CNTNAP2: variants seen among roughly 807,000 people sequenced by gnomAD.
CNTNAP2 encodes contactin-associated protein-like 2.
Under a neutral mutation model 155.2 loss-of-function variants are expected in CNTNAP2, and 98 were observed. The ratio of observed to expected loss-of-function variants is 0.63; its 90% CI spans 0.54 to 0.75. The LOEUF (loss-of-function observed/expected upper bound fraction) is 0.75, where lower values mean the gene tolerates loss of function less well. Among genes scored for constraint, CNTNAP2 ranks in the 30% least tolerant of loss-of-function variants. The probability of loss-of-function intolerance (pLI) is 0.00; values close to 1 mark genes in which losing one functional copy is unlikely to be tolerated. For missense variants in CNTNAP2, 1,727 were observed against 1,688.1 expected, an observed-to-expected ratio of 1.02 and a Z score of -0.40; for synonymous variants, 651 against 631.2, an observed-to-expected ratio of 1.03 and a Z score of -0.47.
chr7:148,153,272 C>T (rs1805339461), intron 17 of CNTNAP2, among the ~76,000 whole-genome samples: 1 of 149,698 alleles, frequency 6.7e-6, no homozygotes, highest in East Asian at 2.0e-4. Flanking sequence ...ACACAGTTCA[C>T]CTCACTGCAC....
At chr7:147,387,429 C>T (rs1415828886) in intron 9 of CNTNAP2, among the ~76,000 whole-genome samples, 1 of 152,154 alleles carries the variant, frequency 6.6e-6, no homozygotes, top group African/African-American at 2.4e-5. Context: ...ACACACCATG[C>T]TTTATTCTTC....
intron 15 of CNTNAP2, among the ~76,000 whole-genome samples, chr7:147,992,164 G>A (rs1235495731): frequency 3.2e-5 from 4 of 126,870 alleles, no homozygotes; most frequent in South Asian, 2.4e-4. Context: ...GCGTGATCTC[G>A]GCTCACTGCA....
intron 1 of CNTNAP2, among the ~76,000 whole-genome samples, chr7:146,252,330 A>G (rs564623526): frequency 6.6e-6 from 1 of 152,296 alleles, no homozygotes; most frequent in African/African-American, 2.4e-5. Flanking sequence ...TGGGAATAGT[A>G]ATCCACTGTA....
chr7:146,451,835 C>CAT lies in CNTNAP2; in HGVS notation c.98-322426_98-322425dup, dbSNP rs1317227874. On this transcript the variant is annotated intron_variant, in intron 1 of 23. Transcript: ENST00000361727. Reference sequence around the variant, plus strand: ...ATATATATATATACGTATATATATACATATATATATACACGTATTCTATAT... The same window carrying CAT: ...ATATATATATATACGTATATATATACATATATATATATACACGTATTCTATAT... Among the ~76,000 whole-genome samples the CAT allele has an allele frequency of 5.6e-4, 34 of 60,984 alleles. 1 individual carries two copies. Among genetic ancestry groups the CAT allele is most frequent in the South Asian group, 8.7e-4 (3 of 3,456 alleles). 40.0% of individuals were successfully genotyped at this position (60,984 alleles called of 152,430 possible).
chr7:146,479,416 AGT>A (rs1270057253), intron 1 of CNTNAP2, among the ~76,000 whole-genome samples: 1 of 152,224 alleles, frequency 6.6e-6, no homozygotes, highest in African/African-American at 2.4e-5. Context: ...ATTTCATTAA[AGT>A]GTTTAATTCA....
At chr7:147,008,030 A>C (rs897500241) in intron 3 of CNTNAP2, among the ~76,000 whole-genome samples, 1 of 152,144 alleles carries the variant, frequency 6.6e-6, no homozygotes, top group African/African-American at 2.4e-5. Context: ...ACATTATTGC[A>C]TATCAACACA....
chr7:147,624,020 C>T (rs1794919287), intron 12 of CNTNAP2, among the ~76,000 whole-genome samples: 1 of 152,060 alleles, frequency 6.6e-6, no homozygotes, highest in African/African-American at 2.4e-5. Context: ...GGAAAACAGT[C>T]TCTTCAATAA....
At chr7:147,823,929 C>T (rs1384936179) in intron 13 of CNTNAP2, among the ~76,000 whole-genome samples, 1 of 152,090 alleles carries the variant, frequency 6.6e-6, no homozygotes, top group Non-Finnish European at 1.5e-5. Flanking sequence ...GCAAATAACT[C>T]AATATAAGAA....
At chr7:148,276,372 A>G (rs6943494) in intron 21 of CNTNAP2, among the ~76,000 whole-genome samples, 86,863 of 152,126 alleles carry the variant, frequency 0.57, 26,141 homozygotes, top group South Asian at 0.77. Context: ...TCCCACCAGG[A>G]CACTCTGGAA....
chr7:148,019,874 C>T (rs1273429433), intron 15 of CNTNAP2, among the ~76,000 whole-genome samples: 2 of 152,134 alleles, frequency 1.3e-5, no homozygotes, highest in Non-Finnish European at 2.9e-5. Context: ...GCAACCTCCA[C>T]CTCCTGGATG....
At chr7:146,762,618 A>G (rs1802122488) in intron 1 of CNTNAP2, among the ~76,000 whole-genome samples, 2 of 152,024 alleles carry the variant, frequency 1.3e-5, no homozygotes, top group African/African-American at 4.8e-5. Context: ...AAAAACAAAC[A>G]AAAAAAGAAT....
intron 18 of CNTNAP2, among the ~76,000 whole-genome samples, chr7:148,211,564 C>G (rs868562645): frequency 3.3e-5 from 5 of 152,152 alleles, no homozygotes; most frequent in African/African-American, 9.6e-5. Flanking sequence ...GTATTGACAT[C>G]ATGGGAAATA....
chr7:147,767,121 G>T (rs890660695), intron 13 of CNTNAP2, among the ~76,000 whole-genome samples: 15 of 152,106 alleles, frequency 9.9e-5, no homozygotes, highest in African/African-American at 3.4e-4. Context: ...TAAAACAGTT[G>T]CTTGATACAA....
chr7:146,204,964 T>TA (rs1426440309), intron 1 of CNTNAP2, among the ~76,000 whole-genome samples: 1 of 151,884 alleles, frequency 6.6e-6, no homozygotes, highest in Non-Finnish European at 1.5e-5. Flanking sequence ...AGAGATAAAA[T>TA]AAGGAAATAT....
chr7:147,819,039 A>G (rs1481913075), intron 13 of CNTNAP2, among the ~76,000 whole-genome samples: 7 of 152,318 alleles, frequency 4.6e-5, no homozygotes, highest in East Asian at 3.9e-4. Flanking sequence ...TCTGTTCTAC[A>G]GAGCAATTTG....
chr7:146,129,610 A>T (rs1304458414), intron 1 of CNTNAP2, among the ~76,000 whole-genome samples: 1 of 152,228 alleles, frequency 6.6e-6, no homozygotes, highest in East Asian at 1.9e-4. Context: ...AACTAAAAGT[A>T]TCTTCCAGTT....
At chr7:146,220,687 A>G (rs752667744) in intron 1 of CNTNAP2, among the ~76,000 whole-genome samples, 9 of 152,220 alleles carry the variant, frequency 5.9e-5, no homozygotes, top group Non-Finnish European at 1.2e-4. Context: ...TATAAAATAT[A>G]TAATATCTGA....
At chr7:147,476,231 G>A (rs965510344) in intron 10 of CNTNAP2, among the ~76,000 whole-genome samples, 8 of 151,872 alleles carry the variant, frequency 5.3e-5, no homozygotes, top group South Asian at 2.1e-4. Flanking sequence ...TCAGCCTCCC[G>A]AGTAGCTGGG....
chr7:147,765,977 G>A lies in CNTNAP2; in HGVS notation c.2098+126671G>A, dbSNP rs75383193. Reference sequence around the variant, plus strand: ...GAATGAAAGAAGCAAACTCAATGTAGTTGACACTACGATTTTATTTATATG... The same window carrying A: ...GAATGAAAGAAGCAAACTCAATGTAATTGACACTACGATTTTATTTATATG... On this transcript the variant is annotated intron_variant, in intron 13 of 23. Coordinates refer to ENST00000361727, the MANE Select transcript of CNTNAP2 (RefSeq NM_014141.6). Among the ~76,000 whole-genome samples, 1,162 of 152,308 alleles carry A rather than the reference G, an allele frequency of 7.6e-3. 8 individuals carry two copies. The highest frequency in any genetic ancestry group is 0.027 in the African/African-American group (1,115 of 41,572).
Sources: gnomAD v4.1 joint callset for allele counts (sites outside exome capture counted in the v4.1 genomes callset) on GRCh38, gnomAD v4.1.1 for gene constraint, MANE v1.5 for transcripts, NCBI Gene and HGNC (gene_info 2026-07-23, HGNC 2026-07-21) for gene names.